The following AIFM1 variants were observed in gnomAD, a reference collection of about 807,000 sequenced individuals.
AIFM1 encodes the protein apoptosis inducing factor mitochondria associated 1.
Under a neutral mutation model 51.7 loss-of-function variants are expected in AIFM1, and 3 were observed. The observed-to-expected ratio is 0.06, with a 90% CI of 0.03 to 0.15. The LOEUF (loss-of-function observed/expected upper bound fraction) is 0.15, where lower values mean the gene tolerates loss of function less well. Ranked by LOEUF, AIFM1 falls within the 10% of genes least tolerant of loss-of-function variation. The pLI is 1.00. For synonymous variants in AIFM1, 178 were observed against 179.4 expected, an observed-to-expected ratio of 0.99 and a Z score of 0.06; for missense variants, 330 against 476.8, an observed-to-expected ratio of 0.69 and a Z score of 2.87.
chrX:130,147,673 G>A, intron 4 of AIFM1, 50 bp from the exon 5 acceptor site: 1 of 1,211,435 alleles, frequency 8.3e-7, no homozygotes, highest in Non-Finnish European at 1.1e-6. Flanking sequence ...CATTTAAGGG[G>A]CAAATGTCAA....
intron 8 of AIFM1, among the ~76,000 whole-genome samples, chrX:130,139,193 G>A (rs1008431119): frequency 9.0e-5 from 10 of 110,894 alleles, no homozygotes; most frequent in African/African-American, 3.3e-4. Flanking sequence ...TTAGCCGGTC[G>A]TGGTGGCACA....
At position 130,138,667 on chromosome X, in the gene AIFM1, C is replaced by T. The variant is rs766786579; in HGVS notation, c.893G>A (p.Arg298Gln). Residue 298 changes from arginine to glutamine, a missense_variant, in exon 9 of 16, where the codon CGG becomes CAG. By Grantham distance (43) the Arg-to-Gln change is conservative. Around this residue, in one of 4 missense-constraint regions of AIFM1, gnomAD observed 152 missense variants for 292.8 expected, o/e 0.52. Transcript: ENST00000287295. ...GDFRSLEKIS[R>Q]EVKSITIIGG... ...GATAATCGTAATTGATTTGACTTCCCGTGAAATCTTCTCCAAGCTTCTAAA... is the reference window on the plus strand; with the variant it reads ...GATAATCGTAATTGATTTGACTTCCTGTGAAATCTTCTCCAAGCTTCTAAA... 1.5e-5 allele frequency: 18 copies of T among 1,207,088 alleles called. No homozygotes were observed. Among genetic ancestry groups the T allele is most frequent in the East Asian group, 1.5e-4 (5 of 33,755 alleles).
intron 6 of AIFM1, among the ~76,000 whole-genome samples, chrX:130,144,422 C>T (rs780593093): frequency 6.2e-5 from 7 of 112,291 alleles, no homozygotes; most frequent in Non-Finnish European, 1.1e-4. Flanking sequence ...TCAGGTTCAT[C>T]TCTTGCCACT....
At chrX:130,138,251 G>A (rs751927092) in intron 9 of AIFM1, among the ~76,000 whole-genome samples, 7 of 110,889 alleles carry the variant, frequency 6.3e-5, no homozygotes, top group Non-Finnish European at 1.1e-4. Flanking sequence ...GGATCACCAG[G>A]TCAGGAGATC....
intron 3 of AIFM1, among the ~76,000 whole-genome samples, chrX:130,148,795 T>C (rs2030844590): frequency 1.3e-5 from 1 of 75,449 alleles, no homozygotes; most frequent in Non-Finnish European, 2.3e-5. Flanking sequence ...ATCGGGCCAC[T>C]GCACTCCAGC....
chrX:130,131,935 C>G, intron 13 of AIFM1, 136 bp from the exon 14 acceptor site: 1 of 763,183 alleles, frequency 1.3e-6, no homozygotes, highest in South Asian at 2.3e-5. Flanking sequence ...GCAATGGGTG[C>G]GAACTCAGTT....
chrX:130,131,627 AC>A, intron 14 of AIFM1, 47 bp downstream of exon 14: 1 of 1,206,026 alleles, frequency 8.3e-7, no homozygotes, highest in South Asian at 1.8e-5. Context: ...GAGAATCTGG[AC>A]CACTGCTTCT....
chrX:130,165,693 T>A lies in AIFM1; in HGVS notation c.-37A>T. 4 of 1,105,784 alleles carry A rather than the reference T, an allele frequency of 3.6e-6. No individual in the cohort carries two copies. The highest frequency in any genetic ancestry group is 4.9e-6 in the Non-Finnish European group (4 of 813,760). The allele number at this position is 1,105,784 out of a possible 1,213,427, so 91.1% of individuals were successfully genotyped here. A position where few individuals can be genotyped will look rare whatever the true frequency, so the allele number is the denominator to read the frequency against. On this transcript the variant is annotated 5_prime_UTR_variant, in exon 1 of 16. Transcript: ENST00000287295. Reference sequence around the variant, plus strand: ...CTATTCGGGACCTCCTCCTTCCCTTTCCTCTCACGCACGACCGACGGGTCA... The same window carrying A: ...CTATTCGGGACCTCCTCCTTCCCTTACCTCTCACGCACGACCGACGGGTCA...
chrX:130,138,478 T>A (rs1009987927), intron 9 of AIFM1, 115 bp downstream of exon 9: 14 of 586,286 alleles, frequency 2.4e-5, no homozygotes, highest in Admixed American at 5.3e-5. Context: ...AAAAAATAAA[T>A]AAATAAACCT....
chrX:130,162,588 C>G (rs2031387005), intron 1 of AIFM1, among the ~76,000 whole-genome samples: 1 of 112,287 alleles, frequency 8.9e-6, no homozygotes, highest in South Asian at 3.7e-4. Flanking sequence ...AAAGCCTTGT[C>G]TCAGCAGAAA....
intron 12 of AIFM1, among the ~76,000 whole-genome samples, chrX:130,134,191 C>T (rs758116466): frequency 2.8e-5 from 3 of 108,449 alleles, no homozygotes; most frequent in African/African-American, 1.0e-4. Flanking sequence ...GAGCTGAGAT[C>T]GTGCCACTGA....
chrX:130,132,742 C>CTTT lies in AIFM1; in HGVS notation c.1448+568_1448+570dup, dbSNP rs898776932. On this transcript the variant is annotated intron_variant, in intron 13 of 15. Coordinates refer to ENST00000287295, the MANE Select transcript of AIFM1 (RefSeq NM_004208.4). Reference sequence around the variant, plus strand: ...AGGACTGGAATGCTTTCTGACACTCCTTTTTTTTTTTTTTTTTTTTTTGAG... The same window carrying CTTT: ...AGGACTGGAATGCTTTCTGACACTCCTTTTTTTTTTTTTTTTTTTTTTTTTGAG... Among the ~76,000 whole-genome samples, 35 of 69,853 alleles carry CTTT rather than the reference C, an allele frequency of 5.0e-4. 1 individual carries two copies. The highest frequency in any genetic ancestry group is 1.4e-3 in the African/African-American group (22 of 15,422). The allele number at this position is 69,853 out of a possible 115,157, so 60.7% of individuals were successfully genotyped here. A position where few individuals can be genotyped will look rare whatever the true frequency, so the allele number is the denominator to read the frequency against.
chrX:130,150,581 C>T (rs1307102651), intron 2 of AIFM1, among the ~76,000 whole-genome samples: 1 of 105,408 alleles, frequency 9.5e-6, no homozygotes, highest in African/African-American at 3.4e-5. Context: ...GTGATCTGCC[C>T]GCCTCGGCCT....
At chrX:130,147,368 A>G in intron 5 of AIFM1, 125 bp downstream of exon 5, 1 of 870,773 alleles carries the variant, frequency 1.1e-6, no homozygotes, top group Non-Finnish European at 1.7e-6. Flanking sequence ...AGTGTGGACC[A>G]CAGTAGACTC....
chrX:130,137,746 G>T lies in AIFM1; in HGVS notation c.968-561C>A, dbSNP rs1427744200. ...TTTCTAAGGAGTCCTGGCATAGAGG[G>T]TAGAGGAAAAGAAAGGAAAGAAAGT... On this transcript the variant is annotated intron_variant, in intron 9 of 15. Coordinates refer to ENST00000287295, the MANE Select transcript of AIFM1 (RefSeq NM_004208.4). 3.9e-6 allele frequency: 4 copies of T among 1,026,315 alleles called. No homozygotes were observed. In the African/African-American group the frequency reaches 5.8e-5, roughly 15 times the overall value. The allele number at this position is 1,026,315 out of a possible 1,213,427, so 84.6% of individuals were successfully genotyped here.
At chrX:130,152,115 A>G (rs1335388201) in intron 2 of AIFM1, among the ~76,000 whole-genome samples, 1 of 110,735 alleles carries the variant, frequency 9.0e-6, no homozygotes, top group Non-Finnish European at 1.9e-5. Context: ...AGAGAAGAGA[A>G]AAGAAAAGAA....
chrX:130,134,149 ATG>A (rs2030227228), intron 12 of AIFM1, among the ~76,000 whole-genome samples: 1 of 109,847 alleles, frequency 9.1e-6, no homozygotes, highest in Non-Finnish European at 1.9e-5. Context: ...AGACAGGAGA[ATG>A]GCTTGAACCC....
chrX:130,138,337 C>T (rs1023879712), intron 9 of AIFM1, among the ~76,000 whole-genome samples: 2 of 110,131 alleles, frequency 1.8e-5, no homozygotes, highest in Admixed American at 9.7e-5. Flanking sequence ...TGGTTACAGG[C>T]GCCTGTAGTC....
At chrX:130,135,438 T>TA (rs1247970185) in intron 12 of AIFM1, among the ~76,000 whole-genome samples, 254 of 22,999 alleles carry the variant, frequency 0.011, no homozygotes, top group East Asian at 0.029. Flanking sequence ...CTTTTTTTTT[T>TA]TAAAAAAAAA....
Sources: gnomAD v4.1 joint callset for allele counts (sites outside exome capture counted in the v4.1 genomes callset) on GRCh38, gnomAD v4.1.1 for gene constraint, gnomAD v4.1.1 regional missense constraint, MANE v1.5 for transcripts, NCBI Gene and HGNC (gene_info 2026-07-23, HGNC 2026-07-21) for gene names.